Variants in CTNNA3 observed in about 807,000 individuals in gnomAD.
The protein encoded by CTNNA3 is catenin alpha-3.
A neutral mutation model predicts 95.7 loss-of-function variants in CTNNA3; 76 were observed. The observed-to-expected ratio is 0.79, with a 90% CI of 0.66 to 0.96. The LOEUF (loss-of-function observed/expected upper bound fraction) is 0.96. Ranked by LOEUF, CTNNA3 falls within the 40% of genes least tolerant of loss-of-function variation. CTNNA3 has a pLI of 0.00. For missense variants in CTNNA3, 1,191 were observed against 1,089.8 expected, an observed-to-expected ratio of 1.09 and a Z score of -1.31; for synonymous variants, 431 against 374.4, an observed-to-expected ratio of 1.15 and a Z score of -1.74.
chr10:67,436,390 AC>A (rs542014113), intron 5 of CTNNA3, among the ~76,000 whole-genome samples: 1 of 152,200 alleles, frequency 6.6e-6, no homozygotes, highest in South Asian at 2.1e-4. Context: ...ACATTAGAAA[AC>A]CCTTCTAGAC....
intron 9 of CTNNA3, among the ~76,000 whole-genome samples, chr10:66,662,539 T>G (rs1471577434): frequency 1.3e-5 from 2 of 152,110 alleles, no homozygotes; most frequent in African/African-American, 4.8e-5. Context: ...GCTCTTCTAC[T>G]TACTTTCTCA....
intron 7 of CTNNA3, among the ~76,000 whole-genome samples, chr10:66,971,620 C>A (rs1012573344): frequency 6.6e-6 from 1 of 152,024 alleles, no homozygotes; most frequent in Non-Finnish European, 1.5e-5. Flanking sequence ...TAGTAGAGTG[C>A]CCACTTAGAG....
chr10:66,534,791 A>G (rs1841595191), intron 10 of CTNNA3, among the ~76,000 whole-genome samples: 1 of 151,380 alleles, frequency 6.6e-6, no homozygotes, highest in Non-Finnish European at 1.5e-5. Flanking sequence ...TAACTATACG[A>G]ACTTCATGAA....
intron 5 of CTNNA3, among the ~76,000 whole-genome samples, chr10:67,490,574 G>A (rs1848609175): frequency 6.6e-6 from 1 of 152,080 alleles, no homozygotes. Flanking sequence ...GGCAAGATGG[G>A]GCCAGAGTGG....
chr10:67,707,276 T>C (rs1224510965), intron 1 of CTNNA3, among the ~76,000 whole-genome samples: 1 of 152,192 alleles, frequency 6.6e-6, no homozygotes, highest in Non-Finnish European at 1.5e-5. Context: ...TTACCAAATC[T>C]ACAAGACCTT....
At chr10:66,685,213 A>G (rs1339473460) in intron 9 of CTNNA3, among the ~76,000 whole-genome samples, 2 of 142,770 alleles carry the variant, frequency 1.4e-5, no homozygotes, top group Non-Finnish European at 3.0e-5. Flanking sequence ...ATACGTATAT[A>G]TATGTGTATA....
chr10:67,189,139 C>CAA (rs556316828), intron 6 of CTNNA3, among the ~76,000 whole-genome samples: 2,072 of 121,940 alleles, frequency 0.017, 30 homozygotes, highest in African/African-American at 0.084. Context: ...ACAACAACAA[C>CAA]AACAAAAAAA....
intron 5 of CTNNA3, among the ~76,000 whole-genome samples, chr10:67,289,806 G>GATTTATTT (rs1204984603): frequency 1.3e-5 from 2 of 151,718 alleles, no homozygotes; most frequent in East Asian, 3.9e-4. Context: ...TTGATGGATG[G>GATTTATTT]ATTTATTTAT....
intron 17 of CTNNA3, among the ~76,000 whole-genome samples, chr10:65,928,427 T>C (rs573606668): frequency 5.3e-5 from 8 of 152,290 alleles, no homozygotes; most frequent in African/African-American, 1.7e-4. Flanking sequence ...TCCTCTTTTT[T>C]ATGTTCTTAT....
intron 9 of CTNNA3, among the ~76,000 whole-genome samples, chr10:66,700,186 T>G (rs1427563054): frequency 6.6e-6 from 1 of 152,168 alleles, no homozygotes. Context: ...GTGCTTTTGG[T>G]GTGATGTTCA....
chr10:66,497,717 A>G (rs1840145684), intron 11 of CTNNA3, among the ~76,000 whole-genome samples: 1 of 152,116 alleles, frequency 6.6e-6, no homozygotes, highest in Non-Finnish European at 1.5e-5. Flanking sequence ...AAGCAGAAAT[A>G]GAAAATCATG....
At chr10:67,078,693 T>A (rs547755360) in intron 7 of CTNNA3, among the ~76,000 whole-genome samples, 1 of 152,132 alleles carries the variant, frequency 6.6e-6, no homozygotes, top group East Asian at 1.9e-4. Flanking sequence ...ATTCTTTGTA[T>A]TTTTAGTAGA....
rs3053735 is a variant in CTNNA3, at chr10:66,225,390, A to AATATATATATATATAT, written c.1884+55064_1884+55079dup. ...GACAGGATTTCATTCATTTTATTCAAATATATATATATATATATATATATA... is the reference window on the plus strand; with the variant it reads ...GACAGGATTTCATTCATTTTATTCAAATATATATATATATATATATATATATATATATATATATATA... On this transcript the variant is annotated intron_variant, in intron 13 of 17. Transcript: ENST00000433211. Among the ~76,000 whole-genome samples, 80 of 125,954 alleles carry AATATATATATATATAT rather than the reference A, an allele frequency of 6.4e-4. 1 individual carries two copies. The highest frequency in any genetic ancestry group is 2.8e-3 in the East Asian group (12 of 4,222). 82.6% of individuals were successfully genotyped at this position (125,954 alleles called of 152,430 possible). A position where few individuals can be genotyped will look rare whatever the true frequency, so the allele number is the denominator to read the frequency against.
At chr10:67,411,777 T>TTAGAAGGAAAG (rs1456827900) in intron 5 of CTNNA3, among the ~76,000 whole-genome samples, 1 of 152,130 alleles carries the variant, frequency 6.6e-6, no homozygotes, top group African/African-American at 2.4e-5. Context: ...CTAATTCTGA[T>TTAGAAGGAAAG]TTGACTTTCC....
intron 11 of CTNNA3, among the ~76,000 whole-genome samples, chr10:66,495,221 C>T (rs1564490321): frequency 6.6e-6 from 1 of 152,146 alleles, no homozygotes; most frequent in East Asian, 1.9e-4. Context: ...AGCCCATAAA[C>T]TCTCAGAGTT....
At chr10:67,079,461 C>T (rs568001327) in intron 7 of CTNNA3, among the ~76,000 whole-genome samples, 12 of 152,196 alleles carry the variant, frequency 7.9e-5, no homozygotes, top group South Asian at 2.1e-4. Context: ...CCAATAAATT[C>T]GCAAATATCT....
chr10:66,157,782 G>A lies in CTNNA3; in HGVS notation c.1885-54533C>T, dbSNP rs542285173. 8.5e-4 allele frequency among the ~76,000 whole-genome samples: 129 copies of A among 151,766 alleles called. 1 individual carries two copies. The highest frequency in any genetic ancestry group is 3.0e-3 in the African/African-American group (123 of 41,414). On this transcript the variant is annotated intron_variant, in intron 13 of 17. Coordinates refer to ENST00000433211, the MANE Select transcript of CTNNA3 (RefSeq NM_013266.4). The stretch of plus-strand genomic sequence containing the variant: ...AGTGGCTGCATGAGTTTACATTCCC[G>A]CCTGCAGTGTAGAAGTGTTCCCTGA...
intron 12 of CTNNA3, among the ~76,000 whole-genome samples, chr10:66,307,125 A>G (rs1042256274): frequency 6.6e-6 from 1 of 152,190 alleles, no homozygotes; most frequent in Non-Finnish European, 1.5e-5. Context: ...TTGAAGTTAT[A>G]TAACTAGTAC....
intron 12 of CTNNA3, among the ~76,000 whole-genome samples, chr10:66,316,833 GT>G (rs896872646): frequency 2.0e-5 from 3 of 152,040 alleles, no homozygotes; most frequent in African/African-American, 7.2e-5. Flanking sequence ...AGATAATTAT[GT>G]TTTAAAACAA....
Sources: gnomAD v4.1 joint callset for allele counts (sites outside exome capture counted in the v4.1 genomes callset) on GRCh38, gnomAD v4.1.1 for gene constraint, MANE v1.5 for transcripts, NCBI Gene and HGNC (gene_info 2026-07-23, HGNC 2026-07-21) for gene names.